Variants in TBC1D22B observed in about 807,000 individuals in gnomAD.
The protein encoded by TBC1D22B is chromosome 6 open reading frame 197.
A neutral mutation model predicts 69.1 loss-of-function variants in TBC1D22B; 32 were observed. The ratio of observed to expected loss-of-function variants is 0.46; its 90% confidence interval spans 0.35 to 0.62. The LOEUF is 0.62. Among genes scored for constraint, TBC1D22B ranks in the 20% least tolerant of loss-of-function variants. The pLI, the probability that TBC1D22B is intolerant of heterozygous loss-of-function variation, is 0.00. For synonymous variants in TBC1D22B, 206 were observed against 229.8 expected, an observed-to-expected ratio of 0.90 and a Z score of 0.94; for missense variants, 462 against 630.9, an observed-to-expected ratio of 0.73 and a Z score of 2.87.
intron 12 of TBC1D22B, among the ~76,000 whole-genome samples, chr6:37,319,649 G>T (rs1291231409): frequency 6.6e-6 from 1 of 152,228 alleles, no homozygotes; most frequent in Non-Finnish European, 1.5e-5. Context: ...GATTAATCCT[G>T]TTTGTGGAAG....
At chr6:37,312,039 G>C (rs887375840) in intron 8 of TBC1D22B, among the ~76,000 whole-genome samples, 1 of 152,216 alleles carries the variant, frequency 6.6e-6, no homozygotes, top group African/African-American at 2.4e-5. Context: ...AGACGAGACA[G>C]ATTCTCACTC....
chr6:37,271,305 TC>T (rs1484974574), intron 2 of TBC1D22B, among the ~76,000 whole-genome samples: 3 of 152,126 alleles, frequency 2.0e-5, no homozygotes, highest in Non-Finnish European at 2.9e-5. Flanking sequence ...AGAGCAAGAC[TC>T]TGTCTCAAAA....
At chr6:37,262,830 A>G (rs1766150664) in intron 1 of TBC1D22B, among the ~76,000 whole-genome samples, 1 of 152,234 alleles carries the variant, frequency 6.6e-6, no homozygotes, top group Non-Finnish European at 1.5e-5. Context: ...TATCAGTGCT[A>G]AACAAACACC....
At chr6:37,307,152 A>G (rs886499459) in intron 8 of TBC1D22B, among the ~76,000 whole-genome samples, 2 of 152,196 alleles carry the variant, frequency 1.3e-5, no homozygotes, top group Admixed American at 1.3e-4. Flanking sequence ...ACCCAACAAT[A>G]CGTTTATATA....
At chr6:37,309,730 A>G (rs1190806869) in intron 8 of TBC1D22B, among the ~76,000 whole-genome samples, 1 of 152,108 alleles carries the variant, frequency 6.6e-6, no homozygotes, top group Non-Finnish European at 1.5e-5. Context: ...TCCTTGGGGC[A>G]TTGTTTATGG....
At chr6:37,296,811 C>CAT (rs1204911647) in intron 8 of TBC1D22B, among the ~76,000 whole-genome samples, 27 of 142,346 alleles carry the variant, frequency 1.9e-4, no homozygotes, top group East Asian at 1.0e-3. Context: ...CGTGCACACA[C>CAT]ATATATATAT....
chr6:37,266,808 C>A (rs925766141), intron 1 of TBC1D22B, among the ~76,000 whole-genome samples: 3 of 151,978 alleles, frequency 2.0e-5, no homozygotes, highest in African/African-American at 7.3e-5. Flanking sequence ...ATTTATTTAA[C>A]TACTTTCCTG....
In TBC1D22B at chr6:37,329,652, A is replaced by G. The variant is rs371583367; in HGVS notation, c.1390-1392A>G. ...CAAGAGAGTTGTTTATTTCCCTTCA[A>G]CTAACAGTCTAAGTGTAAGCAGTCC... On this transcript the variant is annotated intron_variant, in intron 12 of 12. Transcript: ENST00000373491. Among the ~76,000 whole-genome samples the G allele has an allele frequency of 5.9e-5, 9 of 152,328 alleles. 2 individuals are homozygous for G. Among genetic ancestry groups the G allele is most frequent in the Admixed American group, 1.3e-4 (2 of 15,308 alleles).
chr6:37,262,323 G>A (rs988229465), intron 1 of TBC1D22B, among the ~76,000 whole-genome samples: 3 of 152,010 alleles, frequency 2.0e-5, no homozygotes, highest in Admixed American at 6.5e-5. Flanking sequence ...GATTATAGGT[G>A]TGAGCCACCG....
At chr6:37,291,451 T>C (rs1490140268) in intron 8 of TBC1D22B, 94 bp downstream of exon 8, 1 of 886,678 alleles carries the variant, frequency 1.1e-6, no homozygotes, top group Non-Finnish European at 1.7e-6. Flanking sequence ...CCAGTAGGTA[T>C]GTCTTGCTAG....
At chr6:37,322,578 CTG>C (rs1468294724) in intron 12 of TBC1D22B, among the ~76,000 whole-genome samples, 1 of 152,186 alleles carries the variant, frequency 6.6e-6, no homozygotes, top group Non-Finnish European at 1.5e-5. Flanking sequence ...AGGCTGGAGC[CTG>C]TGAGTGCTGA....
chr6:37,288,085 A>G (rs1282729427), intron 7 of TBC1D22B, among the ~76,000 whole-genome samples: 1 of 152,334 alleles, frequency 6.6e-6, no homozygotes, highest in African/African-American at 2.4e-5. Flanking sequence ...TTCTCATAGT[A>G]GAGAGGGATG....
intron 1 of TBC1D22B, among the ~76,000 whole-genome samples, chr6:37,263,171 T>C (rs1766163984): frequency 6.6e-6 from 1 of 152,218 alleles, no homozygotes; most frequent in Non-Finnish European, 1.5e-5. Context: ...GCAAGGGGGC[T>C]ACAGAAAAAG....
chr6:37,293,432 T>A (rs1430822227), intron 8 of TBC1D22B, among the ~76,000 whole-genome samples: 1 of 152,164 alleles, frequency 6.6e-6, no homozygotes, highest in East Asian at 1.9e-4. Flanking sequence ...CAAACTTTGA[T>A]GTTACTATTG....
intron 12 of TBC1D22B, 68 bp from the exon 13 acceptor site, chr6:37,330,976 A>C (rs1369991218): frequency 6.3e-7 from 1 of 1,583,048 alleles, no homozygotes; most frequent in African/African-American, 1.3e-5. Flanking sequence ...CTTGGTCTCT[A>C]AGAATGGGTT....
chr6:37,304,130 G>A lies in TBC1D22B; in HGVS notation c.983-8788G>A, dbSNP rs139151596. On this transcript the variant is annotated intron_variant, in intron 8 of 12. Coordinates refer to ENST00000373491, the MANE Select transcript of TBC1D22B (RefSeq NM_017772.4). Reference sequence around the variant, plus strand: ...CAGTGAGTTACACTTTTCTGATACTGTGCTGAATTAGCCGAAAGTTCTCTC... The same window carrying A: ...CAGTGAGTTACACTTTTCTGATACTATGCTGAATTAGCCGAAAGTTCTCTC... Among the ~76,000 whole-genome samples, 26 of 152,316 alleles carry A rather than the reference G, an allele frequency of 1.7e-4. 1 individual carries two copies. Among genetic ancestry groups the A allele is most frequent in the Admixed American group, 1.6e-3 (25 of 15,298 alleles).
At chr6:37,306,023 T>C (rs938124347) in intron 8 of TBC1D22B, among the ~76,000 whole-genome samples, 1 of 152,174 alleles carries the variant, frequency 6.6e-6, no homozygotes, top group Non-Finnish European at 1.5e-5. Context: ...CTGAGAAATA[T>C]TGAGGCTCTT....
At chr6:37,313,143 C>T (rs1767971498) in intron 9 of TBC1D22B, 119 bp downstream of exon 9, 9 of 749,006 alleles carry the variant, frequency 1.2e-5, no homozygotes, top group South Asian at 2.9e-5. Flanking sequence ...CACTATGGCT[C>T]CTCCTCCTTT....
At chr6:37,312,064 G>T (rs1192783199) in intron 8 of TBC1D22B, among the ~76,000 whole-genome samples, 1 of 152,232 alleles carries the variant, frequency 6.6e-6, no homozygotes, top group Non-Finnish European at 1.5e-5. Context: ...TACTCAGTGG[G>T]AGGTTTCCAT....
Sources: gnomAD v4.1 joint callset for allele counts (sites outside exome capture counted in the v4.1 genomes callset) on GRCh38, gnomAD v4.1.1 for gene constraint, MANE v1.5 for transcripts, NCBI Gene and HGNC (gene_info 2026-07-23, HGNC 2026-07-21) for gene names.